FANCD2: variants seen among roughly 807,000 people sequenced by gnomAD.
FANCD2 encodes the protein Fanconi anemia group D2 protein.
FANCD2 carries 131 observed loss-of-function variants against 192.3 expected under a neutral mutation model. The observed-to-expected ratio is 0.68, with a 90% confidence interval of 0.59 to 0.79. FANCD2 has a LOEUF of 0.79. Ranked by LOEUF, FANCD2 falls within the 30% of genes least tolerant of loss-of-function variation. FANCD2 has a pLI of 0.00. For synonymous variants in FANCD2, 524 were observed against 612.5 expected (o/e 0.86, Z 2.13); for missense variants, 1,508 against 1,701.6 (o/e 0.89, Z 2.00).
At chr3:10,083,104 G>A (rs1693946294) in intron 32 of FANCD2, among the ~76,000 whole-genome samples, 2 of 152,138 alleles carry the variant, frequency 1.3e-5, no homozygotes, top group African/African-American at 4.8e-5. Flanking sequence ...GCATGCATCT[G>A]TAGTCCCAGC....
At chr3:10,086,057 ATG>A in intron 33 of FANCD2, 135 bp downstream of exon 33, 1 of 696,496 alleles carries the variant, frequency 1.4e-6, no homozygotes, top group Non-Finnish European at 2.7e-6. Context: ...CTCCTCATAT[ATG>A]AGCTTTCTCA....
In FANCD2 at chr3:10,095,182, T is replaced by A. The variant is rs1381291302; in HGVS notation, c.3964-18T>A. 1 of 1,604,484 alleles carries A rather than the reference T, an allele frequency of 6.2e-7. No homozygotes were observed. Among genetic ancestry groups the A allele is most frequent in the Non-Finnish European group, 8.5e-7 (1 of 1,171,360 alleles). On this transcript the variant is annotated intron_variant, in intron 40 of 43. Coordinates refer to ENST00000675286, the MANE Select transcript of FANCD2 (RefSeq NM_001018115.3). ...ATCAGGACATTTCATAGAGCATTTATAAACTTATTGGTTATAGGAAGATGT... is the reference window on the plus strand; with the variant it reads ...ATCAGGACATTTCATAGAGCATTTAAAAACTTATTGGTTATAGGAAGATGT...
At chr3:10,049,340 T>C (rs750445060) in intron 16 of FANCD2, 34 bp from the exon 17 acceptor site, 2 of 1,565,832 alleles carry the variant, frequency 1.3e-6, no homozygotes, top group Non-Finnish European at 1.7e-6. Flanking sequence ...CCATATTTTG[T>C]TTTACACTGT....
At chr3:10,067,828 A>G (rs1417964199) in intron 26 of FANCD2, among the ~76,000 whole-genome samples, 1 of 152,154 alleles carries the variant, frequency 6.6e-6, no homozygotes, top group African/African-American at 2.4e-5. Context: ...ATTATTCATC[A>G]TGGCCAAATG....
intron 32 of FANCD2, among the ~76,000 whole-genome samples, 176 bp from the exon 33 acceptor site, chr3:10,085,636 C>T (rs980257160): frequency 1.3e-4 from 19 of 151,898 alleles, no homozygotes; most frequent in Non-Finnish European, 2.2e-4. Flanking sequence ...GTTATTCGCC[C>T]GCCTCAGCCT....
intron 1 of FANCD2, 33 bp downstream of exon 1, chr3:10,026,506 G>C (rs2086453621): frequency 2.0e-6 from 1 of 507,996 alleles, no homozygotes; most frequent in African/African-American, 2.1e-5. Context: ...GTAGTCTCTC[G>C]AGGCCCCGCT....
At chr3:10,092,077 A>G (rs1447627537) in intron 37 of FANCD2, 104 bp from the exon 38 acceptor site, 1 of 883,442 alleles carries the variant, frequency 1.1e-6, no homozygotes, top group Non-Finnish European at 1.9e-6. Flanking sequence ...ATTGGCTTAA[A>G]TATCTGTATA....
chr3:10,070,515 G>GC (rs1411769338), intron 26 of FANCD2, among the ~76,000 whole-genome samples: 1 of 45,680 alleles, frequency 2.2e-5, no homozygotes, highest in Non-Finnish European at 4.3e-5. Context: ...GGGGGGGTCA[G>GC]CCCCCTGTCC....
intron 32 of FANCD2, among the ~76,000 whole-genome samples, chr3:10,085,394 CTTT>C (rs1242296810): frequency 4.4e-5 from 6 of 136,922 alleles, no homozygotes; most frequent in Admixed American, 7.2e-5. Flanking sequence ...TTTTTTCTTT[CTTT>C]TTTTTTTTTT....
At chr3:10,031,019 G>C (rs1458944178) in intron 2 of FANCD2, among the ~76,000 whole-genome samples, 2 of 152,156 alleles carry the variant, frequency 1.3e-5, no homozygotes, top group Non-Finnish European at 2.9e-5. Flanking sequence ...GGAAATTACT[G>C]AAAGTAAATG....
chr3:10,042,574 A>T lies in FANCD2; in HGVS notation c.799A>T (p.Met267Leu). Residue 267 changes from methionine (M) to leucine (L), a missense_variant, in exon 11 of 44, where the codon ATG becomes TTG. By Grantham distance (15) the Met-to-Leu change is conservative (BLOSUM62 2). Around this residue, in one of 5 missense-constraint regions of FANCD2, gnomAD observed 435 missense variants for 421.9 expected, o/e 1.03. Coordinates refer to ENST00000675286, the MANE Select transcript of FANCD2 (RefSeq NM_001018115.3). ...NFLLKVRQLV[M>L]DKLSSIRLED... is the part of the protein sequence containing the mutation. ...TAATTTTTAGGTTCGCCAGTTGGTG[A>T]TGGATAAGTTGTCGTCTATTAGATT... is the stretch of plus-strand genomic sequence containing the variant. 2 of 1,613,990 alleles carry T rather than the reference A, an allele frequency of 1.2e-6. No homozygotes were observed. Among genetic ancestry groups the T allele is most frequent in the Non-Finnish European group, 1.7e-6 (2 of 1,179,886 alleles).
intron 39 of FANCD2, among the ~76,000 whole-genome samples, 166 bp from the exon 40 acceptor site, chr3:10,094,123 G>T (rs1694812832): frequency 6.6e-6 from 1 of 152,124 alleles, no homozygotes; most frequent in Non-Finnish European, 1.5e-5. Context: ...TTTGATTTTT[G>T]TATTAAGTTA....
Position 10,088,845 on chromosome 3 carries a change from CAGAG to C in FANCD2, c.3581_3584del (p.Glu1194AlafsTer3). The C allele has an allele frequency of 6.2e-7, 1 of 1,614,120 alleles. No individual in the cohort carries two copies. The highest frequency in any genetic ancestry group is 8.5e-7 in the Non-Finnish European group (1 of 1,179,970). On this transcript the variant is annotated frameshift_variant, in exon 36 of 44. Coordinates refer to ENST00000675286, the MANE Select transcript of FANCD2 (RefSeq NM_001018115.3). LOFTEE classifies it high-confidence loss of function. Reference sequence around the variant, plus strand: ...CAATGCAGTATCTACCTGGAGCACACAGAGAGCATTCTGAAGGCCATAGAGGAGA... The same window carrying C: ...CAATGCAGTATCTACCTGGAGCACACAGCATTCTGAAGGCCATAGAGGAGA...
chr3:10,050,332 A>T (rs534992826), intron 17 of FANCD2, among the ~76,000 whole-genome samples: 15 of 152,274 alleles, frequency 9.9e-5, no homozygotes, highest in African/African-American at 3.1e-4. Context: ...GACTGTTAAG[A>T]ATATGTGGCG....
intron 26 of FANCD2, among the ~76,000 whole-genome samples, chr3:10,071,071 T>C (rs1267710281): frequency 1.1e-4 from 16 of 146,026 alleles, no homozygotes; most frequent in Non-Finnish European, 6.0e-5. Context: ...CCTCCACTAT[T>C]GTCCTATGAC....
chr3:10,039,272 A>G lies in FANCD2; in HGVS notation c.492-7A>G, dbSNP rs1414176379. ...CAGTTCCCTGTTTTCTCTTCCTAAC[A>G]TTTTAGCAAGAACAGTGATGAAATC... On this transcript the variant is annotated splice_region_variant and splice_polypyrimidine_tract_variant and intron_variant, in intron 7 of 43. Transcript: ENST00000675286. The G allele has an allele frequency of 6.2e-7, 1 of 1,611,018 alleles. No homozygotes were observed. The highest frequency in any genetic ancestry group is 8.5e-7 in the Non-Finnish European group (1 of 1,177,592).
intron 18 of FANCD2, among the ~76,000 whole-genome samples, chr3:10,055,613 C>G (rs1330162143): frequency 6.6e-6 from 1 of 151,992 alleles, no homozygotes; most frequent in Non-Finnish European, 1.5e-5. Flanking sequence ...GAGATCGAGA[C>G]CATCCTGGCT....
chr3:10,068,396 A>G (rs1161192856), intron 26 of FANCD2, among the ~76,000 whole-genome samples: 1 of 152,200 alleles, frequency 6.6e-6, no homozygotes, highest in African/African-American at 2.4e-5. Context: ...TACAAATAAA[A>G]TAAACAAAAG....
intron 40 of FANCD2, 166 bp from the exon 41 acceptor site, chr3:10,095,034 A>T: frequency 3.0e-6 from 2 of 659,704 alleles, no homozygotes; most frequent in South Asian, 3.3e-5. Context: ...TGAGAATAAG[A>T]GGTAGCTGCT....
Sources: gnomAD v4.1 joint callset for allele counts (sites outside exome capture counted in the v4.1 genomes callset) on GRCh38, gnomAD v4.1.1 for gene constraint, gnomAD v4.1.1 regional missense constraint, MANE v1.5 for transcripts, NCBI Gene and HGNC (gene_info 2026-07-23, HGNC 2026-07-21) for gene names.